USP48: variants seen among roughly 807,000 people sequenced by gnomAD.
The protein encoded by USP48 is ubiquitin carboxyl-terminal hydrolase 48.
USP48 carries 43 observed loss-of-function variants against 150.7 expected under a neutral mutation model. That is an observed-to-expected ratio of 0.29 (90% CI 0.22 to 0.37). USP48 has a LOEUF of 0.37. Ranked by LOEUF, USP48 falls within the 10% of genes least tolerant of loss-of-function variation. The pLI, the probability that USP48 is intolerant of heterozygous loss-of-function variation, is 1.00. For synonymous variants in USP48, 396 were observed against 425.9 expected, an observed-to-expected ratio of 0.93 and a Z score of 0.86; for missense variants, 813 against 1,249.6, an observed-to-expected ratio of 0.65 and a Z score of 5.27.
chr1:21,727,221 A>G (rs1438427110), intron 11 of USP48, among the ~76,000 whole-genome samples: 1 of 152,218 alleles, frequency 6.6e-6, no homozygotes, highest in African/African-American at 2.4e-5. Context: ...TTGCCAGCAC[A>G]AAACCATGCT....
chr1:21,780,650 G>C (rs978486663), intron 1 of USP48, among the ~76,000 whole-genome samples: 1 of 151,434 alleles, frequency 6.6e-6, no homozygotes, highest in Admixed American at 6.6e-5. Context: ...AAAAGTCCAC[G>C]TATTTTAGGA....
intron 11 of USP48, chr1:21,725,240 G>A (rs1358594238): frequency 6.6e-6 from 1 of 152,154 alleles, no homozygotes; most frequent in East Asian, 1.9e-4. Flanking sequence ...TCTAATCCAA[G>A]TTCTGCTACC....
rs1204219348 is a variant in USP48 at position 21,751,393 on chromosome 1, T to C, written c.774+114A>G. On this transcript the variant is annotated intron_variant, in intron 6 of 26. Coordinates refer to ENST00000308271, the MANE Select transcript of USP48 (RefSeq NM_032236.8). ...TGGATCATTACAGATGCTTCTTATG[T>C]AGAAAAAGCTGACACAATAAAAGCT... is the stretch of plus-strand genomic sequence containing the variant. The C allele has an allele frequency of 6.8e-5, 52 of 764,940 alleles. 1 individual carries two copies. The highest frequency in any genetic ancestry group is 1.0e-4 in the Non-Finnish European group (46 of 452,970). 47.4% of individuals were successfully genotyped at this position (764,940 alleles called of 1,614,324 possible). A position where few individuals can be genotyped will look rare whatever the true frequency, so the allele number is the denominator to read the frequency against.
chr1:21,757,912 C>CA, intron 1 of USP48, 129 bp from the exon 2 acceptor site: 1 of 1,195,698 alleles, frequency 8.4e-7, no homozygotes, highest in Non-Finnish European at 1.1e-6. Context: ...ATAAGACACT[C>CA]AGTTTGTGAG....
chr1:21,712,101 G>A (rs2097691759), intron 15 of USP48, among the ~76,000 whole-genome samples: 1 of 152,236 alleles, frequency 6.6e-6, no homozygotes, highest in African/African-American at 2.4e-5. Flanking sequence ...GCTGACGCCT[G>A]TAATCCCAGC....
chr1:21,764,671 C>T (rs545014479), intron 1 of USP48, among the ~76,000 whole-genome samples: 2 of 149,066 alleles, frequency 1.3e-5, no homozygotes, highest in Non-Finnish European at 3.0e-5. Context: ...GTGATTGTGC[C>T]ACCCCACACC....
At chr1:21,757,493 T>C (rs2097839768) in intron 2 of USP48, 170 bp downstream of exon 2, 3 of 563,504 alleles carry the variant, frequency 5.3e-6, no homozygotes, top group Non-Finnish European at 8.7e-6. Flanking sequence ...AAGCATATCA[T>C]TAAGAAGTGT....
At chr1:21,753,429 C>G (rs935850090) in intron 3 of USP48, among the ~76,000 whole-genome samples, 20 of 151,724 alleles carry the variant, frequency 1.3e-4, no homozygotes, top group African/African-American at 4.1e-4. Flanking sequence ...GTGGTGCACA[C>G]ATGTAATCCC....
Position 21,778,395 on chromosome 1 carries a change from G to A in USP48, c.134+4429C>T, listed in dbSNP as rs547268603. On this transcript the variant is annotated intron_variant, in intron 1 of 26. Coordinates refer to ENST00000308271, the MANE Select transcript of USP48 (RefSeq NM_032236.8). Reference sequence around the variant, plus strand: ...AGGCAGTAACAAGTATAGGGACATAGAGCAATTGGAATCCTCATATACTGC... The same window carrying A: ...AGGCAGTAACAAGTATAGGGACATAAAGCAATTGGAATCCTCATATACTGC... Among the ~76,000 whole-genome samples the A allele has an allele frequency of 5.0e-4, 76 of 152,088 alleles. 1 individual carries two copies. The highest frequency in any genetic ancestry group is 1.7e-3 in the African/African-American group (69 of 41,502).
intron 6 of USP48, among the ~76,000 whole-genome samples, chr1:21,751,226 T>G (rs112743721): frequency 6.6e-6 from 1 of 152,234 alleles, no homozygotes; most frequent in Non-Finnish European, 1.5e-5. Context: ...TAACTCAGCA[T>G]AGAGTTCTTT....
intron 14 of USP48, among the ~76,000 whole-genome samples, chr1:21,716,941 T>C (rs1243158379): frequency 6.6e-6 from 1 of 150,408 alleles, no homozygotes; most frequent in Admixed American, 6.6e-5. Context: ...GGCAGGAGAA[T>C]GGCGGGAACC....
At chr1:21,749,873 G>C (rs1325662860) in intron 6 of USP48, among the ~76,000 whole-genome samples, 3 of 152,138 alleles carry the variant, frequency 2.0e-5, no homozygotes, top group Non-Finnish European at 4.4e-5. Flanking sequence ...AAAGTGCTGG[G>C]ATTATAGACA....
intron 24 of USP48, among the ~76,000 whole-genome samples, chr1:21,689,068 G>A (rs921936282): frequency 6.6e-6 from 1 of 151,842 alleles, no homozygotes; most frequent in Non-Finnish European, 1.5e-5. Flanking sequence ...TAATTCTGCT[G>A]AACCGGAAGT....
intron 8 of USP48, among the ~76,000 whole-genome samples, chr1:21,741,210 A>C (rs1308552093): frequency 6.6e-6 from 1 of 152,254 alleles, no homozygotes. Context: ...ATTTTTAAAG[A>C]ATCAAAATTA....
intron 14 of USP48, among the ~76,000 whole-genome samples, chr1:21,718,368 T>C (rs182869057): frequency 1.3e-5 from 2 of 152,310 alleles, no homozygotes; most frequent in African/African-American, 4.8e-5. Flanking sequence ...TGGGAAGGCT[T>C]TGAAGTTCTA....
chr1:21,752,380 G>T, intron 5 of USP48, 147 bp downstream of exon 5: 1 of 981,868 alleles, frequency 1.0e-6, no homozygotes, highest in Non-Finnish European at 1.5e-6. Context: ...TTGTTTATAT[G>T]TTCCCATGGA....
At chr1:21,718,808 G>A (rs896096820) in intron 14 of USP48, among the ~76,000 whole-genome samples, 1 of 151,570 alleles carries the variant, frequency 6.6e-6, no homozygotes, top group African/African-American at 2.4e-5. Flanking sequence ...TGCCCACCTC[G>A]GCCTCCCAAA....
rs995071276 is a variant in USP48 at position 21,678,747 on chromosome 1, A to G, written c.*670T>C. 1 of 152,316 alleles carries G rather than the reference A, an allele frequency of 6.6e-6. No individual in the cohort carries two copies. The highest frequency in any genetic ancestry group is 2.4e-5 in the African/African-American group (1 of 41,454). 9.4% of individuals were successfully genotyped at this position (152,316 alleles called of 1,614,324 possible). ...AGCAAAAAGCCTCTGAAGTCAAAAC[A>G]TGAGACATAATTCCTTGCTCATTGC... On this transcript the variant is annotated 3_prime_UTR_variant, in exon 27 of 27. Coordinates refer to ENST00000308271, the MANE Select transcript of USP48 (RefSeq NM_032236.8).
At chr1:21,709,059 G>A (rs1337089318) in intron 15 of USP48, among the ~76,000 whole-genome samples, 1 of 151,824 alleles carries the variant, frequency 6.6e-6, no homozygotes, top group Non-Finnish European at 1.5e-5. Context: ...ACAGGCATGA[G>A]CCACCATGCC....
Sources: gnomAD v4.1 joint callset for allele counts (sites outside exome capture counted in the v4.1 genomes callset) on GRCh38, gnomAD v4.1.1 for gene constraint, MANE v1.5 for transcripts, NCBI Gene and HGNC (gene_info 2026-07-23, HGNC 2026-07-21) for gene names.